VAT1L: variants seen among roughly 807,000 people sequenced by gnomAD.
VAT1L encodes putative NADPH-dependent quinone oxidoreductase VAT1L.
In VAT1L, 34 loss-of-function variants were observed where a neutral mutation model predicts 44.1. The observed-to-expected ratio is 0.77, with a 90% CI of 0.59 to 1.03. The LOEUF (loss-of-function observed/expected upper bound fraction) is 1.03, where lower values mean the gene tolerates loss of function less well. VAT1L is among the 50% of genes least tolerant of loss of function. The pLI, the probability that VAT1L is intolerant of heterozygous loss-of-function variation, is 0.00. For synonymous variants in VAT1L, 253 were observed against 202.2 expected (o/e 1.25, Z -2.13); for missense variants, 615 against 538.8 (o/e 1.14, Z -1.40).
intron 7 of VAT1L, among the ~76,000 whole-genome samples, chr16:77,890,754 C>T (rs1035431430): frequency 1.3e-5 from 2 of 151,372 alleles, no homozygotes; most frequent in African/African-American, 4.9e-5. Flanking sequence ...GATACCCCAT[C>T]TCTACTAAAA....
chr16:77,821,948 A>G (rs2016459780), intron 2 of VAT1L, among the ~76,000 whole-genome samples: 1 of 152,194 alleles, frequency 6.6e-6, no homozygotes. Context: ...TAGTAGATAC[A>G]AAAGCATAAG....
chr16:77,811,815 C>G (rs888081362), intron 1 of VAT1L, among the ~76,000 whole-genome samples: 3 of 152,146 alleles, frequency 2.0e-5, no homozygotes, highest in Non-Finnish European at 4.4e-5. Flanking sequence ...GCTTTTAACT[C>G]TTATATAAAG....
chr16:77,788,794 G>T lies in VAT1L; in HGVS notation c.112G>T (p.Asp38Tyr). The T allele has an allele frequency of 6.4e-7, 1 of 1,569,682 alleles. No homozygotes were observed. Among genetic ancestry groups the T allele is most frequent in the Non-Finnish European group, 8.6e-7 (1 of 1,158,434 alleles). ...GGGDGSHRLGDAQEMRAVVLA... is the reference protein window; with the variant it reads ...GGGDGSHRLGYAQEMRAVVLA... ...CGGCGACGGCTCGCACCGCCTCGGGGACGCCCAGGAGATGCGCGCGGTGGT... is the reference window on the plus strand; with the variant it reads ...CGGCGACGGCTCGCACCGCCTCGGGTACGCCCAGGAGATGCGCGCGGTGGT... The change falls in exon 1 of 9, where the codon GAC becomes TAC. Residue 38 changes from aspartate to tyrosine, a missense_variant. Coordinates refer to ENST00000302536, the MANE Select transcript of VAT1L (RefSeq NM_020927.3).
chr16:77,970,508 T>A (rs2018267663), intron 7 of VAT1L, among the ~76,000 whole-genome samples: 1 of 152,254 alleles, frequency 6.6e-6, no homozygotes, highest in Admixed American at 6.5e-5. Flanking sequence ...TTCTGCTATG[T>A]AGTCTTTGTA....
At position 77,947,457 on chromosome 16, in the gene VAT1L, A is replaced by C. The variant is rs1275896662; in HGVS notation, c.1078-24393A>C. 3.9e-5 allele frequency among the ~76,000 whole-genome samples: 6 copies of C among 152,300 alleles called. No homozygotes were observed. The East Asian group carries it at 9.7e-4, about 25-fold the overall frequency. On this transcript the variant is annotated intron_variant, in intron 7 of 8. Transcript: ENST00000302536. ...TCTTGGTCTCACCCCGCCAGCCTCC[A>C]TAATTCCCAGTTGTCATTGGTCTCC...
chr16:77,848,177 A>G (rs1198197895), intron 3 of VAT1L, among the ~76,000 whole-genome samples: 1 of 152,206 alleles, frequency 6.6e-6, no homozygotes, highest in African/African-American at 2.4e-5. Context: ...TGTGGACAGC[A>G]TATTCTAAAT....
intron 7 of VAT1L, among the ~76,000 whole-genome samples, chr16:77,961,041 G>C (rs115004976): frequency 1.6e-3 from 246 of 152,196 alleles, no homozygotes; most frequent in African/African-American, 5.2e-3. Flanking sequence ...AATGAGTCTA[G>C]CTACACAGAG....
In VAT1L at chr16:77,884,705, G is replaced by T; in HGVS notation, c.980G>T (p.Arg327Leu). The T allele has an allele frequency of 6.2e-7, 1 of 1,611,168 alleles. No individual in the cohort carries two copies. Among genetic ancestry groups the T allele is most frequent in the East Asian group, 2.2e-5 (1 of 44,740 alleles). ...TTAAATCTGCTCTTCAAACAAGGCC[G>T]GGCGGGCCTCATTCGGGGAGTGGTG... ...SLLNLLFKQG[R>L]AGLIRGVVEK... The change falls in exon 7 of 9, where the codon CGG becomes CTG. Residue 327 changes from arginine (R) to leucine (L), a missense_variant. Coordinates refer to ENST00000302536, the MANE Select transcript of VAT1L (RefSeq NM_020927.3). The surrounding 1 kb of genome is among the most constrained non-coding windows in gnomAD (Gnocchi z 4.5).
At chr16:77,936,228 A>T (rs2017794572) in intron 7 of VAT1L, among the ~76,000 whole-genome samples, 1 of 152,170 alleles carries the variant, frequency 6.6e-6, no homozygotes, top group African/African-American at 2.4e-5. Flanking sequence ...ACTGAGACTT[A>T]AGGCTGCGAA....
rs118095147 is a variant in VAT1L at position 77,932,877 on chromosome 16, C to T, written c.1078-38973C>T. On this transcript the variant is annotated intron_variant, in intron 7 of 8. Transcript: ENST00000302536. Reference sequence around the variant, plus strand: ...CTTTACCAGGAGTGCTGAGATAGCTCGCAGGAGAATGAATGGTAGGATTCA... The same window carrying T: ...CTTTACCAGGAGTGCTGAGATAGCTTGCAGGAGAATGAATGGTAGGATTCA... Among the ~76,000 whole-genome samples, 179 of 152,236 alleles carry T rather than the reference C, an allele frequency of 1.2e-3. 4 individuals are homozygous for T. The East Asian group carries it at 0.025, about 21-fold the overall frequency.
intron 2 of VAT1L, 71 bp from the exon 3 acceptor site, chr16:77,825,175 G>C: frequency 6.4e-7 from 1 of 1,566,204 alleles, no homozygotes; most frequent in Non-Finnish European, 8.8e-7. Flanking sequence ...CCAGCTCCCA[G>C]TAATTCTGTT....
chr16:77,955,579 G>T (rs1455718331), intron 7 of VAT1L, among the ~76,000 whole-genome samples: 1 of 152,138 alleles, frequency 6.6e-6, no homozygotes. Flanking sequence ...ACAAAAATTA[G>T]CCAGGGGTGA....
chr16:77,892,439 A>G (rs1467518052), intron 7 of VAT1L: 20 of 482,692 alleles, frequency 4.1e-5, no homozygotes, highest in Non-Finnish European at 6.2e-5. Context: ...CAATCCCACT[A>G]TGTTGGGGTT....
At chr16:77,927,676 G>C (rs1436488643) in intron 7 of VAT1L, among the ~76,000 whole-genome samples, 2 of 151,976 alleles carry the variant, frequency 1.3e-5, no homozygotes, top group African/African-American at 2.4e-5. Flanking sequence ...AGGAGTTCGA[G>C]ACCATCCTGG....
chr16:77,801,626 C>T (rs2016054609), intron 1 of VAT1L: 1 of 151,528 alleles, frequency 6.6e-6, no homozygotes, highest in African/African-American at 2.4e-5. Context: ...GACTTTCAAA[C>T]TGCACTCTTC....
intron 2 of VAT1L, among the ~76,000 whole-genome samples, chr16:77,818,891 A>G (rs1392193423): frequency 6.6e-6 from 1 of 152,230 alleles, no homozygotes; most frequent in Non-Finnish European, 1.5e-5. Context: ...TCCTTGCAGC[A>G]GCACACTGAA....
At chr16:77,946,276 G>GTTATTTTTTTTTTTTTTTTT (rs1597114758) in intron 7 of VAT1L, among the ~76,000 whole-genome samples, 1 of 33,862 alleles carries the variant, frequency 3.0e-5, no homozygotes, top group African/African-American at 1.1e-4. Context: ...TAGGTTACTT[G>GTTATTTTTTTTTTTTTTTTT]TTCTTTTTTT....
Position 77,977,675 on chromosome 16 carries a change from C to A in VAT1L, c.1240C>A (p.Arg414=). 6.2e-7 allele frequency: 1 copy of A among 1,613,934 alleles called. No homozygotes were observed. The highest frequency in any genetic ancestry group is 8.5e-7 in the Non-Finnish European group (1 of 1,179,902). The change falls in exon 9 of 9, where the codon CGG becomes AGG. Residue 414 remains arginine (R), a synonymous_variant. Coordinates refer to ENST00000302536, the MANE Select transcript of VAT1L (RefSeq NM_020927.3). ...CGAGGGAGACAGCGAGAACAAGGAG[C>A]GGATGCCCTTTATCCAGTAACTGAG... The part of the protein sequence containing the change: ...DHEGDSENKE[R]MPFIQ
chr16:77,846,409 C>T (rs1361766437), intron 3 of VAT1L, among the ~76,000 whole-genome samples: 1 of 152,098 alleles, frequency 6.6e-6, no homozygotes, highest in East Asian at 1.9e-4. Flanking sequence ...TTTGACCTCA[C>T]GATTTCATAC....
Sources: gnomAD v4.1 joint callset for allele counts (sites outside exome capture counted in the v4.1 genomes callset) on GRCh38, gnomAD v4.1.1 for gene constraint, Gnocchi (gnomAD v3.1) non-coding constraint, MANE v1.5 for transcripts, NCBI Gene and HGNC (gene_info 2026-07-23, HGNC 2026-07-21) for gene names.